CPVL: variants seen among roughly 807,000 people sequenced by gnomAD.
The protein encoded by CPVL is probable serine carboxypeptidase CPVL.
Under a neutral mutation model 63.7 loss-of-function variants are expected in CPVL, and 51 were observed. The ratio of observed to expected loss-of-function variants is 0.80; its 90% CI spans 0.64 to 1.01. CPVL has a LOEUF of 1.01. Among genes scored for constraint, CPVL ranks in the 50% least tolerant of loss-of-function variants. The pLI is 0.00. For missense variants in CPVL, 530 were observed against 573.1 expected, an observed-to-expected ratio of 0.92 and a Z score of 0.77; for synonymous variants, 195 against 206.0, an observed-to-expected ratio of 0.95 and a Z score of 0.46.
rs115794163 is a variant in CPVL at position 29,171,885 on chromosome 7, C to T, written c.-11+9405G>A. Among the ~76,000 whole-genome samples the T allele has an allele frequency of 2.6e-3, 400 of 152,260 alleles. 3 individuals are homozygous for T. Among genetic ancestry groups the T allele is most frequent in the African/African-American group, 9.2e-3 (382 of 41,530 alleles). ...CATATAGTTCTTACAAATGGACTTA[C>T]GAACTGATTTGGAGGGAAGCCCCCA... On this transcript the variant is annotated intron_variant, in intron 5 of 16. Coordinates refer to the CPVL transcript ENST00000409850.
chr7:29,122,967 C>T (rs913220970), intron 1 of CPVL, among the ~76,000 whole-genome samples: 1 of 152,160 alleles, frequency 6.6e-6, no homozygotes, highest in Non-Finnish European at 1.5e-5. Flanking sequence ...TGACTCTGCA[C>T]TCCTGCTATT....
intron 4 of CPVL, 105 bp from the exon 5 acceptor site, chr7:29,095,247 T>C (rs1786286730): frequency 1.1e-6 from 1 of 898,514 alleles, no homozygotes; most frequent in East Asian, 2.4e-5. Context: ...TCATGAGCTG[T>C]TGGCGTACCC....
intron 11 of CPVL, among the ~76,000 whole-genome samples, chr7:29,051,706 G>C (rs1185940648): frequency 6.6e-6 from 1 of 151,944 alleles, no homozygotes; most frequent in Non-Finnish European, 1.5e-5. Context: ...AGAACTAAAA[G>C]TAGAACTACC....
chr7:29,134,245 G>T, intron 1 of CPVL, among the ~76,000 whole-genome samples: 1 of 152,144 alleles, frequency 6.6e-6, no homozygotes. Context: ...TGCAACAACT[G>T]CATTCTCTTA....
intron 11 of CPVL, among the ~76,000 whole-genome samples, chr7:29,034,878 A>G (rs1000582400): frequency 2.7e-5 from 4 of 148,978 alleles, no homozygotes; most frequent in Non-Finnish European, 5.9e-5. Flanking sequence ...AAGAACAATA[A>G]TGCTATGAGG....
intron 11 of CPVL, among the ~76,000 whole-genome samples, chr7:29,036,688 C>A (rs317755): frequency 0.25 from 38,645 of 152,102 alleles, 6,865 homozygotes; most frequent in African/African-American, 0.51. Flanking sequence ...AATTCTGAAG[C>A]CTGGAATTCA....
intron 7 of CPVL, among the ~76,000 whole-genome samples, chr7:29,075,193 TG>T (rs1205091005): frequency 6.6e-6 from 1 of 152,134 alleles, no homozygotes; most frequent in African/African-American, 2.4e-5. Context: ...AAACGTAGGC[TG>T]AAACATCTGC....
intron 3 of CPVL, among the ~76,000 whole-genome samples, chr7:29,105,115 T>TC (rs1409306946): frequency 2.0e-5 from 3 of 152,222 alleles, no homozygotes; most frequent in Non-Finnish European, 4.4e-5. Context: ...TGGATTTGTA[T>TC]CCACCTGTGT....
chr7:29,137,788 T>C lies in CPVL; in HGVS notation c.-11+8641A>G, dbSNP rs569031762. On this transcript the variant is annotated intron_variant, in intron 1 of 12. Transcript: ENST00000265394. Reference sequence around the variant, plus strand: ...CTATTTTGGGAGGTCATAGAATTTATAGCATTTAAAAATTTGTTATGCAGC... The same window carrying C: ...CTATTTTGGGAGGTCATAGAATTTACAGCATTTAAAAATTTGTTATGCAGC... Among the ~76,000 whole-genome samples, 186 of 152,324 alleles carry C rather than the reference T, an allele frequency of 1.2e-3. 1 individual carries two copies. The highest frequency in any genetic ancestry group is 1.3e-3 in the African/African-American group (55 of 41,574).
chr7:29,063,046 A>T (rs141587619), intron 11 of CPVL, among the ~76,000 whole-genome samples: 149 of 152,232 alleles, frequency 9.8e-4, no homozygotes, highest in African/African-American at 3.4e-3. Context: ...TAGTACCAGG[A>T]AAGAAATAAT....
chr7:29,014,742 TTC>T (rs1472456541), intron 12 of CPVL, among the ~76,000 whole-genome samples: 1 of 152,196 alleles, frequency 6.6e-6, no homozygotes, highest in Non-Finnish European at 1.5e-5. Context: ...TTTTGAAAAC[TTC>T]TCTTTCCCTC....
intron 5 of CPVL, among the ~76,000 whole-genome samples, chr7:29,168,149 G>A (rs1179407702): frequency 6.6e-6 from 1 of 152,114 alleles, no homozygotes; most frequent in African/African-American, 2.4e-5. Context: ...GCTTTTTCCT[G>A]CTTACTAATG....
rs7788009 is a variant in CPVL at position 29,077,323 on chromosome 7, T to C, written c.610-4900A>G. Among the ~76,000 whole-genome samples the C allele has an allele frequency of 4.4e-3, 664 of 152,306 alleles. 1 individual carries two copies. The highest frequency in any genetic ancestry group is 0.015 in the African/African-American group (618 of 41,560). ...TAGAAAAAAAAAATAGATACACTTA[T>C]ACACTCATTCTCTGCCTTGCTTCTA... On this transcript the variant is annotated intron_variant, in intron 7 of 12. Transcript: ENST00000265394.
chr7:29,101,645 A>G (rs1169939146), intron 3 of CPVL, among the ~76,000 whole-genome samples: 1 of 152,148 alleles, frequency 6.6e-6, no homozygotes, highest in African/African-American at 2.4e-5. Context: ...TATTATAAAA[A>G]CAGTACTTAT....
chr7:29,080,600 T>G (rs67558045), intron 7 of CPVL, among the ~76,000 whole-genome samples: 15,734 of 147,164 alleles, frequency 0.11, 1,055 homozygotes, highest in Middle Eastern at 0.15. Context: ...ATGCAGGAAA[T>G]AAATATCAAT....
chr7:29,186,401 T>C (rs1798717442), intron 2 of CPVL: 1 of 152,108 alleles, frequency 6.6e-6, no homozygotes, highest in Non-Finnish European at 1.5e-5. Flanking sequence ...TGGACAACAT[T>C]GCAAAACCCT....
intron 11 of CPVL, among the ~76,000 whole-genome samples, chr7:29,031,900 A>G (rs1242730751): frequency 6.6e-6 from 1 of 152,234 alleles, no homozygotes; most frequent in Admixed American, 6.5e-5. Context: ...AACTATAACT[A>G]TAAAAATCAA....
intron 1 of CPVL, among the ~76,000 whole-genome samples, chr7:29,134,932 T>C (rs879259590): frequency 2.6e-5 from 4 of 151,710 alleles, no homozygotes; most frequent in Non-Finnish European, 5.9e-5. Context: ...AAATTTCATT[T>C]CTACAAAAAA....
At chr7:29,032,855 C>T (rs1015625343) in intron 11 of CPVL, among the ~76,000 whole-genome samples, 5 of 152,154 alleles carry the variant, frequency 3.3e-5, no homozygotes, top group Non-Finnish European at 7.4e-5. Context: ...ATAGCAAAGT[C>T]CCCATGTTAC....
Sources: allele counts gnomAD v4.1 joint callset (sites outside exome capture counted in the v4.1 genomes callset), GRCh38; gene constraint gnomAD v4.1.1; transcripts MANE v1.5; gene names NCBI Gene and HGNC (gene_info 2026-07-23, HGNC 2026-07-21).